PTPN9: variants seen among roughly 807,000 people sequenced by gnomAD.
The protein encoded by PTPN9 is tyrosine-protein phosphatase non-receptor type 9.
Under a neutral mutation model 69.8 loss-of-function variants are expected in PTPN9, and 26 were observed. The ratio of observed to expected loss-of-function variants is 0.37; its 90% CI spans 0.27 to 0.52. The LOEUF (loss-of-function observed/expected upper bound fraction) is 0.52, where lower values mean the gene tolerates loss of function less well. Ranked by LOEUF, PTPN9 falls within the 20% of genes least tolerant of loss-of-function variation. The pLI is 0.91. For synonymous variants in PTPN9, 274 were observed against 272.5 expected (o/e 1.01, Z -0.05); for missense variants, 549 against 740.3 (o/e 0.74, Z 3.00).
chr15:75,468,977 AAGG>A lies in PTPN9; in HGVS notation c.1571_1573del (p.Thr524_Phe525delinsIle). 1 of 1,610,476 alleles carries A rather than the reference AAGG, an allele frequency of 6.2e-7. No homozygotes were observed. Among genetic ancestry groups the A allele is most frequent in the Non-Finnish European group, 8.5e-7 (1 of 1,176,964 alleles). ...TGCCAGGCAGATGTCCAGTGAGCAG[AAGG>A]TACCTGAAGAAGGAAGGAAGTGATC... On this transcript the variant is annotated inframe_deletion, in exon 13 of 13. Transcript: ENST00000618819.
chr15:75,575,329 CA>C (rs2141347786), intron 1 of PTPN9, among the ~76,000 whole-genome samples: 1 of 152,158 alleles, frequency 6.6e-6, no homozygotes, highest in East Asian at 1.9e-4. Context: ...AACTGCACTA[CA>C]CTTTTGCATG....
chr15:75,577,047 T>C (rs2075177066), intron 1 of PTPN9, among the ~76,000 whole-genome samples: 1 of 152,292 alleles, frequency 6.6e-6, no homozygotes, highest in Admixed American at 6.5e-5. Context: ...TTTTGCCGTT[T>C]CCATCCTAGT....
chr15:75,556,011 G>A (rs2075075212), intron 1 of PTPN9, among the ~76,000 whole-genome samples: 1 of 113,010 alleles, frequency 8.8e-6, no homozygotes. Context: ...CAGCCTCGAT[G>A]ACAAACAAAG....
chr15:75,527,202 C>A lies in PTPN9; in HGVS notation c.123G>T (p.Pro41=). 1.9e-6 allele frequency: 3 copies of A among 1,614,054 alleles called. No individual in the cohort carries two copies. Among genetic ancestry groups the A allele is most frequent in the South Asian group, 2.2e-5 (2 of 91,082 alleles). ...NKWTVQYNVS[P]LSWNVAVKFL... ...ACTTGACAGCCACATTCCAAGACAG[C>A]GGGGAAACATTGTACTGAACTGTCC... is the stretch of plus-strand genomic sequence containing the variant. Residue 41 remains proline, a synonymous_variant, in exon 2 of 13, where the codon CCG becomes CCT. Transcript: ENST00000618819.
chr15:75,575,897 C>T (rs1375758278), intron 1 of PTPN9, among the ~76,000 whole-genome samples: 2 of 109,480 alleles, frequency 1.8e-5, no homozygotes, highest in African/African-American at 7.2e-5. Flanking sequence ...CCAGCCTGGG[C>T]AACAGAGCAA....
chr15:75,528,891 G>A (rs1282451491), intron 1 of PTPN9, among the ~76,000 whole-genome samples: 2 of 150,936 alleles, frequency 1.3e-5, no homozygotes, highest in East Asian at 1.9e-4. Flanking sequence ...TTGTAGAGAC[G>A]AGGACTCCCT....
chr15:75,504,460 G>GA (rs2074802484), intron 7 of PTPN9, among the ~76,000 whole-genome samples: 1 of 133,226 alleles, frequency 7.5e-6, no homozygotes, highest in Non-Finnish European at 1.6e-5. Flanking sequence ...CCGGCCAGCC[G>GA]CCCGGTCCGG....
chr15:75,514,228 T>A (rs1360232578), intron 5 of PTPN9, among the ~76,000 whole-genome samples: 3 of 151,500 alleles, frequency 2.0e-5, no homozygotes, highest in Non-Finnish European at 2.9e-5. Context: ...AGACCGCCAG[T>A]GTTGCATGGT....
chr15:75,472,953 G>GA lies in PTPN9; in HGVS notation c.1208+735dup, dbSNP rs879420853. ...GGCAGAGTGAGACTCCATCTCAGAA[G>GA]AAAAAAAAAAAAAGTAGCAACAAAT... On this transcript the variant is annotated intron_variant, in intron 10 of 12. Coordinates refer to ENST00000618819, the MANE Select transcript of PTPN9 (RefSeq NM_002833.4). 4.4e-3 allele frequency among the ~76,000 whole-genome samples: 571 copies of GA among 130,790 alleles called. 1 individual carries two copies. Among genetic ancestry groups the GA allele is most frequent in the Middle Eastern group, 0.015 (4 of 270 alleles). The allele number at this position is 130,790 out of a possible 152,430, so 85.8% of individuals were successfully genotyped here.
intron 1 of PTPN9, among the ~76,000 whole-genome samples, chr15:75,536,071 AT>A (rs1029840710): frequency 1.3e-5 from 2 of 152,238 alleles, no homozygotes; most frequent in African/African-American, 4.8e-5. Context: ...AGTTTTAAGT[AT>A]ATTTTCTGAT....
intron 9 of PTPN9, among the ~76,000 whole-genome samples, chr15:75,478,151 T>A (rs2141290442): frequency 6.6e-6 from 1 of 150,940 alleles, no homozygotes; most frequent in South Asian, 2.1e-4. Context: ...TCCTCTTTTT[T>A]TTTTTCTTTT....
chr15:75,564,636 G>T (rs1350693877), intron 1 of PTPN9, among the ~76,000 whole-genome samples: 5 of 151,142 alleles, frequency 3.3e-5, no homozygotes, highest in Admixed American at 3.3e-4. Context: ...ATCATGCCAT[G>T]GCAAAGCTCA....
chr15:75,499,399 C>CTTTTTTTTTT (rs71440245), intron 7 of PTPN9, among the ~76,000 whole-genome samples: 1 of 84,536 alleles, frequency 1.2e-5, no homozygotes, highest in African/African-American at 5.0e-5. Flanking sequence ...TCTAAACCCA[C>CTTTTTTTTTT]TTTTTTTTTT....
At chr15:75,530,732 T>C (rs1368368773) in intron 1 of PTPN9, among the ~76,000 whole-genome samples, 1 of 30,602 alleles carries the variant, frequency 3.3e-5, no homozygotes, top group Non-Finnish European at 4.5e-5. Flanking sequence ...ATATAATATA[T>C]ATTATTATAT....
chr15:75,543,340 C>A (rs963267746), intron 1 of PTPN9, among the ~76,000 whole-genome samples: 3 of 152,120 alleles, frequency 2.0e-5, no homozygotes, highest in African/African-American at 7.2e-5. Context: ...ACATCATACT[C>A]AACACTGACA....
intron 9 of PTPN9, among the ~76,000 whole-genome samples, chr15:75,475,041 T>C (rs1376088939): frequency 6.6e-6 from 1 of 152,216 alleles, no homozygotes; most frequent in Non-Finnish European, 1.5e-5. Context: ...GCTTCTTCTC[T>C]TTTGCTTTTG....
At chr15:75,495,228 G>A (rs2074733134) in intron 7 of PTPN9, among the ~76,000 whole-genome samples, 1 of 151,706 alleles carries the variant, frequency 6.6e-6, no homozygotes, top group South Asian at 2.1e-4. Flanking sequence ...AGGAAAGAGG[G>A]AAAACTGCAA....
chr15:75,499,222 A>C (rs1007302036), intron 7 of PTPN9, among the ~76,000 whole-genome samples: 1 of 151,968 alleles, frequency 6.6e-6, no homozygotes, highest in Admixed American at 6.6e-5. Flanking sequence ...CTCTACTGGG[A>C]GTTGGTGTAA....
intron 5 of PTPN9, among the ~76,000 whole-genome samples, chr15:75,516,303 C>CTT (rs750940118): frequency 1.0e-3 from 134 of 132,542 alleles, no homozygotes; most frequent in East Asian, 3.7e-3. Context: ...TATGTTTCTT[C>CTT]TTTTTTTTTT....
Sources: allele counts gnomAD v4.1 joint callset (sites outside exome capture counted in the v4.1 genomes callset), GRCh38; gene constraint gnomAD v4.1.1; transcripts MANE v1.5; gene names NCBI Gene and HGNC (gene_info 2026-07-23, HGNC 2026-07-21).